The following RIN2 variants were observed in gnomAD, a reference collection of about 807,000 sequenced individuals.
RIN2 encodes Ras and Rab interactor 2, also known as RAB5 interacting protein 2.
A neutral mutation model predicts 78.0 loss-of-function variants in RIN2; 36 were observed. The ratio of observed to expected loss-of-function variants is 0.46; its 90% CI spans 0.35 to 0.61. The LOEUF is 0.61. Among genes scored for constraint, RIN2 ranks in the 20% least tolerant of loss-of-function variants. The pLI is 0.00. For synonymous variants in RIN2, 466 were observed against 466.8 expected (o/e 1.00, Z 0.02); for missense variants, 1,087 against 1,159.7 (o/e 0.94, Z 0.91).
Position 19,974,981 on chromosome 20 carries a change from T to A in RIN2, c.956T>A (p.Leu319His). Residue 319 changes from leucine (L) to histidine (H), a missense_variant, in exon 9 of 13, where the codon CTC becomes CAC. This residue lies in a region of RIN2 where 706 missense variants were observed against 667.5 expected (regional missense o/e 1.06). Coordinates refer to ENST00000255006, the MANE Select transcript of RIN2 (RefSeq NM_018993.4). ...CCCCCGCCACCCGCTATTAATAGTC[T>A]CCACACAAGCCCTCGGCTGGCCAGG... ...PRPPPPAINS[L>H]HTSPRLARTE... 2.6e-6 allele frequency: 4 copies of A among 1,556,574 alleles called. No individual in the cohort carries two copies. The highest frequency in any genetic ancestry group is 3.5e-6 in the Non-Finnish European group (4 of 1,143,724).
chr20:19,961,978 CAATT>C (rs1394504833), intron 6 of RIN2, among the ~76,000 whole-genome samples: 1 of 152,058 alleles, frequency 6.6e-6, no homozygotes, highest in Non-Finnish European at 1.5e-5. Flanking sequence ...TTAAGTGAAT[CAATT>C]AAGTAATTCT....
chr20:19,837,169 AACACACACACACAC>A (rs142399537), intron 2 of RIN2, among the ~76,000 whole-genome samples: 18 of 140,210 alleles, frequency 1.3e-4, no homozygotes, highest in South Asian at 4.8e-4. Context: ...CGCCCCCCCC[AACACACACACACAC>A]ACACACACAC....
intron 9 of RIN2, among the ~76,000 whole-genome samples, chr20:19,978,680 C>T (rs2146336412): frequency 6.6e-6 from 1 of 152,332 alleles, no homozygotes; most frequent in East Asian, 1.9e-4. Flanking sequence ...AATACATGTT[C>T]ATTGCCTGGC....
At chr20:19,813,875 G>C (rs1318689098) in intron 2 of RIN2, among the ~76,000 whole-genome samples, 1 of 151,900 alleles carries the variant, frequency 6.6e-6, no homozygotes, top group African/African-American at 2.4e-5. Flanking sequence ...TATTATCTGG[G>C]GTGTGGTTTC....
At chr20:19,942,469 A>G (rs2040918329) in intron 4 of RIN2, among the ~76,000 whole-genome samples, 1 of 152,148 alleles carries the variant, frequency 6.6e-6, no homozygotes, top group East Asian at 1.9e-4. Flanking sequence ...TCTTTTTTTG[A>G]TAGCCAAAAG....
chr20:19,787,445 AAG>A (rs1182054268), intron 1 of RIN2, among the ~76,000 whole-genome samples: 18 of 148,222 alleles, frequency 1.2e-4, no homozygotes, highest in African/African-American at 2.7e-4. Flanking sequence ...AAAAAAAAAA[AAG>A]AGAGAGAGAG....
intron 2 of RIN2, among the ~76,000 whole-genome samples, chr20:19,860,878 C>A (rs541034358): frequency 6.6e-6 from 1 of 152,024 alleles, no homozygotes; most frequent in African/African-American, 2.4e-5. Context: ...ACTAAGTGAA[C>A]GAAGAAAAAA....
chr20:19,901,964 CA>C (rs2039003216), intron 3 of RIN2, among the ~76,000 whole-genome samples: 1 of 139,956 alleles, frequency 7.1e-6, no homozygotes, highest in South Asian at 2.2e-4. Context: ...TGTGATGAGC[CA>C]AGATGGCACC....
rs913888766 is a variant in RIN2, at chr20:20,001,027, A to G, written c.*91A>G. On this transcript the variant is annotated 3_prime_UTR_variant, in exon 13 of 13. Coordinates refer to ENST00000255006, the MANE Select transcript of RIN2 (RefSeq NM_018993.4). The stretch of plus-strand genomic sequence containing the variant: ...ACATGCTTGAGCTTGAAAAGCAGTC[A>G]CCTCCTCGGGGACCCCTCAGTGTAG... 2.3e-5 allele frequency: 29 copies of G among 1,266,042 alleles called. No homozygotes were observed. Among genetic ancestry groups the G allele is most frequent in the Admixed American group, 9.2e-5 (4 of 43,482 alleles). The allele number at this position is 1,266,042 out of a possible 1,614,324, so 78.4% of individuals were successfully genotyped here. A position where few individuals can be genotyped will look rare whatever the true frequency, so the allele number is the denominator to read the frequency against.
At chr20:19,768,922 C>CTTTTT (rs778608472) in intron 1 of RIN2, among the ~76,000 whole-genome samples, 3 of 135,836 alleles carry the variant, frequency 2.2e-5, no homozygotes, top group South Asian at 2.3e-4. Flanking sequence ...CTTTCTGTTT[C>CTTTTT]TTTTTTTTTT....
chr20:19,799,322 T>TA (rs1231929429), intron 1 of RIN2, among the ~76,000 whole-genome samples: 5 of 152,212 alleles, frequency 3.3e-5, no homozygotes, highest in African/African-American at 1.2e-4. Flanking sequence ...AATTGTCACT[T>TA]AACTGGTGGG....
intron 3 of RIN2, among the ~76,000 whole-genome samples, chr20:19,919,946 C>T (rs1268070525): frequency 2.0e-5 from 3 of 152,108 alleles, no homozygotes; most frequent in Non-Finnish European, 4.4e-5. Context: ...ACTGAAAACA[C>T]CAATGCTAAA....
At chr20:19,943,113 C>T (rs1419091495) in intron 4 of RIN2, among the ~76,000 whole-genome samples, 1 of 152,204 alleles carries the variant, frequency 6.6e-6, no homozygotes, top group African/African-American at 2.4e-5. Flanking sequence ...GACTGGAGCC[C>T]GCCTGGCTCC....
At chr20:19,923,858 T>C (rs141795282) in intron 3 of RIN2, among the ~76,000 whole-genome samples, 151 of 152,152 alleles carry the variant, frequency 9.9e-4, no homozygotes, top group African/African-American at 3.5e-3. Context: ...ATCCCGATTT[T>C]GACTAAGGTG....
chr20:19,857,748 G>C (rs750447927), intron 2 of RIN2, among the ~76,000 whole-genome samples: 11 of 152,146 alleles, frequency 7.2e-5, no homozygotes, highest in Non-Finnish European at 1.3e-4. Flanking sequence ...CTACTTGGGA[G>C]ACTGAGGTGG....
chr20:19,884,542 G>T (rs1035006722), intron 2 of RIN2, among the ~76,000 whole-genome samples: 5 of 152,206 alleles, frequency 3.3e-5, no homozygotes, highest in South Asian at 2.1e-4. Context: ...TCAATGGAAA[G>T]TTTTCATGAC....
intron 1 of RIN2, among the ~76,000 whole-genome samples, chr20:19,773,831 A>C (rs1237702527): frequency 6.6e-6 from 1 of 151,846 alleles, no homozygotes; most frequent in African/African-American, 2.4e-5. Context: ...ATCTGGTTAC[A>C]ATCACTATTA....
intron 3 of RIN2, among the ~76,000 whole-genome samples, chr20:19,934,839 C>A (rs2040570452): frequency 6.6e-6 from 1 of 151,872 alleles, no homozygotes; most frequent in Non-Finnish European, 1.5e-5. Flanking sequence ...TGAAACCTAA[C>A]AAACTGGGTG....
intron 2 of RIN2, among the ~76,000 whole-genome samples, chr20:19,844,593 GCTTCTTCCTCTTCTTCTT>G (rs1370470974): frequency 1.6e-5 from 1 of 64,066 alleles, no homozygotes; most frequent in African/African-American, 5.1e-5. Context: ...TGCTGCTGCT[GCTTCTTCCTCTTCTTCTT>G]CTTCTTCTTC....
Sources: gnomAD v4.1 joint callset for allele counts (sites outside exome capture counted in the v4.1 genomes callset) on GRCh38, gnomAD v4.1.1 for gene constraint, gnomAD v4.1.1 regional missense constraint, MANE v1.5 for transcripts, NCBI Gene and HGNC (gene_info 2026-07-23, HGNC 2026-07-21) for gene names.